The following PLEKHA6 variants were observed in gnomAD, a reference collection of about 807,000 sequenced individuals.
PLEKHA6 encodes pleckstrin homology domain containing A6, also known as pleckstrin homology domain-containing family A member 6.
Under a neutral mutation model 116.7 loss-of-function variants are expected in PLEKHA6, and 60 were observed. The observed-to-expected ratio is 0.51, with a 90% CI of 0.42 to 0.64. The LOEUF is 0.64. PLEKHA6 is among the 30% of genes least tolerant of loss of function. The pLI, the probability that PLEKHA6 is intolerant of heterozygous loss-of-function variation, is 0.00. For missense variants in PLEKHA6, 1,338 were observed against 1,422.7 expected (o/e 0.94, Z 0.96); for synonymous variants, 489 against 556.1 (o/e 0.88, Z 1.70).
rs572180192 is a variant in PLEKHA6 at position 204,343,309 on chromosome 1, C to T, written c.-95+16385G>A. 4.6e-5 allele frequency among the ~76,000 whole-genome samples: 7 copies of T among 152,236 alleles called. No homozygotes were observed. The South Asian group carries it at 1.0e-3, about 23-fold the overall frequency. On this transcript the variant is annotated intron_variant, in intron 1 of 22. Coordinates refer to ENST00000272203, the MANE Select transcript of PLEKHA6 (RefSeq NM_014935.5). ...TTAAAAGCTACCATGTACTGAATTG[C>T]CTTTGGTTGCCAGGCACTGTTCCAA...
chr1:204,362,943 G>A (rs903325759), upstream of PLEKHA6, among the ~76,000 whole-genome samples: 4 of 152,182 alleles, frequency 2.6e-5, no homozygotes, highest in African/African-American at 7.2e-5. Flanking sequence ...TTCCTCACCT[G>A]CAAATGGGCT....
At chr1:204,244,331 T>C (rs1440834847) in intron 15 of PLEKHA6, among the ~76,000 whole-genome samples, 2 of 150,512 alleles carry the variant, frequency 1.3e-5, no homozygotes, top group East Asian at 2.0e-4. Context: ...TTAGTAAAGA[T>C]GGGGTTTCAC....
In PLEKHA6 at chr1:204,274,779, G is replaced by T; in HGVS notation, c.-64C>A. 1 of 985,864 alleles carries T rather than the reference G, an allele frequency of 1.0e-6. No homozygotes were observed. The highest frequency in any genetic ancestry group is 6.1e-5 in the Admixed American group (1 of 16,286). The allele number at this position is 985,864 out of a possible 1,614,324, so 61.1% of individuals were successfully genotyped here. A position where few individuals can be genotyped will look rare whatever the true frequency, so the allele number is the denominator to read the frequency against. Reference sequence around the variant, plus strand: ...CCTCTGGGACCTGGCCAGTCACTGGGTGTAGAAATGTGTTCCGTCTTTCAT... The same window carrying T: ...CCTCTGGGACCTGGCCAGTCACTGGTTGTAGAAATGTGTTCCGTCTTTCAT... On this transcript the variant is annotated 5_prime_UTR_variant, in exon 2 of 23. Transcript: ENST00000272203.
chr1:204,372,459 A>G (rs1167037433), intron 1 of PLEKHA6, among the ~76,000 whole-genome samples: 1 of 152,194 alleles, frequency 6.6e-6, no homozygotes, highest in Non-Finnish European at 1.5e-5. Context: ...TACTTCAGGT[A>G]TGTGGAGGAA....
chr1:204,363,801 C>T (rs1036008736), upstream of PLEKHA6, among the ~76,000 whole-genome samples: 12 of 152,092 alleles, frequency 7.9e-5, no homozygotes, highest in Non-Finnish European at 1.2e-4. Flanking sequence ...TGAGCAAACC[C>T]CCTGAAAGCC....
intron 1 of PLEKHA6, among the ~76,000 whole-genome samples, chr1:204,328,907 T>C (rs906362068): frequency 1.3e-5 from 2 of 152,204 alleles, no homozygotes; most frequent in African/African-American, 4.8e-5. Flanking sequence ...GAAACTAATG[T>C]GGAGAGAAGT....
chr1:204,335,388 C>T (rs1475531619), intron 1 of PLEKHA6, among the ~76,000 whole-genome samples: 3 of 152,078 alleles, frequency 2.0e-5, no homozygotes, highest in Non-Finnish European at 4.4e-5. Context: ...GACCAAGTCC[C>T]TCCCTTCCTT....
chr1:204,281,441 C>T (rs1182316081), intron 1 of PLEKHA6, among the ~76,000 whole-genome samples: 8 of 152,114 alleles, frequency 5.3e-5, no homozygotes, highest in African/African-American at 7.2e-5. Flanking sequence ...AGGAGAATGG[C>T]GTGAACCCAG....
At chr1:204,311,080 CG>C (rs935542474) in intron 1 of PLEKHA6, among the ~76,000 whole-genome samples, 1 of 152,152 alleles carries the variant, frequency 6.6e-6, no homozygotes, top group African/African-American at 2.4e-5. Context: ...CCCTCCCAGC[CG>C]GTGCAGGAAA....
chr1:204,375,111 C>T (rs1368084983), intron 1 of PLEKHA6, among the ~76,000 whole-genome samples: 1 of 152,154 alleles, frequency 6.6e-6, no homozygotes, highest in African/African-American at 2.4e-5. Context: ...TCCAGCCTGG[C>T]CTCTGTTCCT....
At chr1:204,272,896 C>T (rs1429096383) in intron 3 of PLEKHA6, among the ~76,000 whole-genome samples, 1 of 152,174 alleles carries the variant, frequency 6.6e-6, no homozygotes, top group Non-Finnish European at 1.5e-5. Flanking sequence ...TGATGATATA[C>T]TACCATTTGT....
chr1:204,354,600 CCAGTTCT>C (rs564176320), intron 1 of PLEKHA6, among the ~76,000 whole-genome samples: 16 of 152,278 alleles, frequency 1.1e-4, no homozygotes, highest in Admixed American at 2.6e-4. Flanking sequence ...GATACTAACC[CCAGTTCT>C]CAGGCTAGGA....
chr1:204,318,945 C>T (rs1330639377), intron 1 of PLEKHA6, among the ~76,000 whole-genome samples: 1 of 152,150 alleles, frequency 6.6e-6, no homozygotes, highest in Non-Finnish European at 1.5e-5. Context: ...GGTTTCCGGT[C>T]CAGTAAATGG....
chr1:204,360,715 G>A (rs1309751911), upstream of PLEKHA6, among the ~76,000 whole-genome samples: 1 of 152,070 alleles, frequency 6.6e-6, no homozygotes, highest in African/African-American at 2.4e-5. Flanking sequence ...AGGTGAGTGG[G>A]GCCTTGCAGA....
At chr1:204,351,710 T>C (rs570544297) in intron 1 of PLEKHA6, among the ~76,000 whole-genome samples, 1 of 152,296 alleles carries the variant, frequency 6.6e-6, no homozygotes, top group African/African-American at 2.4e-5. Flanking sequence ...GGTGAGGGAC[T>C]TACTCAAGGC....
chr1:204,319,166 G>A (rs997530757), intron 1 of PLEKHA6, among the ~76,000 whole-genome samples: 3 of 152,250 alleles, frequency 2.0e-5, no homozygotes, highest in Non-Finnish European at 2.9e-5. Context: ...GGAGTGGGCT[G>A]TAACTGTGGA....
chr1:204,233,798 G>T (rs544374390), intron 17 of PLEKHA6, among the ~76,000 whole-genome samples: 4 of 152,116 alleles, frequency 2.6e-5, no homozygotes, highest in African/African-American at 9.7e-5. Context: ...CCCCAAAATG[G>T]ATCATACCTA....
chr1:204,370,358 C>T (rs572668319), intron 2 of PLEKHA6, among the ~76,000 whole-genome samples: 80 of 152,344 alleles, frequency 5.3e-4, no homozygotes, highest in African/African-American at 1.9e-3. Flanking sequence ...TGGAACCAGG[C>T]GCCTAGTGTC....
At chr1:204,349,994 A>G (rs1673221933) in intron 1 of PLEKHA6, among the ~76,000 whole-genome samples, 1 of 152,216 alleles carries the variant, frequency 6.6e-6, no homozygotes, top group Non-Finnish European at 1.5e-5. Flanking sequence ...ATGTATTTCT[A>G]CTGGTTGCAG....
Sources: gnomAD v4.1 joint callset for allele counts (sites outside exome capture counted in the v4.1 genomes callset) on GRCh38, gnomAD v4.1.1 for gene constraint, MANE v1.5 for transcripts, NCBI Gene and HGNC (gene_info 2026-07-23, HGNC 2026-07-21) for gene names.